ANXA11: variants seen among roughly 807,000 people sequenced by gnomAD.
ANXA11 encodes the protein annexin A11.
ANXA11 carries 57 observed loss-of-function variants against 64.7 expected under a neutral mutation model. The observed-to-expected ratio is 0.88, with a 90% confidence interval of 0.71 to 1.10. ANXA11 has a LOEUF of 1.10. Among genes scored for constraint, ANXA11 ranks in the 50% least tolerant of loss-of-function variants. ANXA11 has a pLI of 0.00. For missense variants in ANXA11, 675 were observed against 670.7 expected (o/e 1.01, Z -0.07); for synonymous variants, 260 against 265.2 (o/e 0.98, Z 0.19).
intron 4 of ANXA11, 112 bp downstream of exon 4, chr10:80,170,688 C>T: frequency 1.2e-6 from 1 of 806,566 alleles, no homozygotes; most frequent in Non-Finnish European, 1.8e-6. Context: ...ACACTACACA[C>T]CACAGCAACA....
At chr10:80,164,195 C>T (rs745601592) in intron 8 of ANXA11, 52 bp from the exon 9 acceptor site, 32 of 1,487,120 alleles carry the variant, frequency 2.2e-5, no homozygotes, top group Non-Finnish European at 2.6e-5. Context: ...GCAGCCTCAC[C>T]AGCACTCGGG....
At chr10:80,179,839 C>T (rs539775018) in intron 1 of ANXA11, among the ~76,000 whole-genome samples, 15 of 152,222 alleles carry the variant, frequency 9.9e-5, no homozygotes, top group Non-Finnish European at 1.8e-4. Context: ...CAGCCTGCTG[C>T]CACTGGACCG....
rs373448583 is a variant in ANXA11, at chr10:80,156,520, CTTT to C, written c.1459-611_1459-609del. The C allele has an allele frequency of 1.1e-3, 428 of 387,236 alleles. 1 individual carries two copies. The East Asian group carries it at 0.031, about 28-fold the overall frequency. The allele number at this position is 387,236 out of a possible 1,614,324, so 24.0% of individuals were successfully genotyped here. On this transcript the variant is annotated intron_variant, in intron 15 of 15. Transcript: ENST00000422982. ...TACTCTGTAATGAATTATTAACTCT[CTTT>C]TTTTTTTTGAGACGAAGTCTCACTC... is the stretch of plus-strand genomic sequence containing the variant.
chr10:80,166,735 G>A (rs1224366194), intron 7 of ANXA11, 155 bp downstream of exon 7: 1 of 646,212 alleles, frequency 1.5e-6, no homozygotes. Flanking sequence ...ACCTCCCAAC[G>A]ATGCCACCAG....
intron 1 of ANXA11, among the ~76,000 whole-genome samples, chr10:80,184,179 T>C (rs948273299): frequency 2.0e-5 from 3 of 152,148 alleles, no homozygotes; most frequent in Admixed American, 6.5e-5. Context: ...ATCCCAGACA[T>C]CATATATTAT....
intron 8 of ANXA11, 48 bp downstream of exon 8, chr10:80,166,036 A>ACG (rs746498821): frequency 2.1e-4 from 203 of 973,356 alleles, no homozygotes; most frequent in South Asian, 3.4e-4. Context: ...GTGCGCACAC[A>ACG]CGCGCGCACA....
chr10:80,168,510 C>A (rs1489492373), intron 5 of ANXA11, among the ~76,000 whole-genome samples: 1 of 152,090 alleles, frequency 6.6e-6, no homozygotes, highest in Non-Finnish European at 1.5e-5. Flanking sequence ...GAAGGTGACG[C>A]TCTTTGTTTG....
intron 1 of ANXA11, among the ~76,000 whole-genome samples, chr10:80,201,934 G>C (rs948690330): frequency 2.6e-5 from 4 of 152,160 alleles, no homozygotes; most frequent in Non-Finnish European, 5.9e-5. Flanking sequence ...GTGAGGGGCA[G>C]GGGACACCTG....
At chr10:80,178,344 G>C (rs2132444183) in intron 1 of ANXA11, among the ~76,000 whole-genome samples, 1 of 152,332 alleles carries the variant, frequency 6.6e-6, no homozygotes, top group South Asian at 2.1e-4. Context: ...GATGGCTGGG[G>C]CATGTCCCCC....
At chr10:80,188,705 A>ACGAGGAC (rs372034811) in intron 1 of ANXA11, among the ~76,000 whole-genome samples, 10,440 of 152,036 alleles carry the variant, frequency 0.069, 562 homozygotes, top group South Asian at 0.2. Flanking sequence ...TTGGATTACT[A>ACGAGGAC]TGAGGACTAA....
chr10:80,168,261 C>T (rs900535334), intron 5 of ANXA11, among the ~76,000 whole-genome samples: 3 of 113,702 alleles, frequency 2.6e-5, no homozygotes, highest in Admixed American at 9.9e-5. Flanking sequence ...CCGGGGGGGG[C>T]GGGGGTGGTG....
At chr10:80,173,015 G>C (rs1846039970) in intron 2 of ANXA11, 146 bp from the exon 3 acceptor site, 3 of 668,008 alleles carry the variant, frequency 4.5e-6, no homozygotes, top group Non-Finnish European at 7.8e-6. Context: ...TCGCAGACCA[G>C]TTCACTGTCT....
chr10:80,194,366 G>A (rs1052054624), intron 1 of ANXA11, among the ~76,000 whole-genome samples: 23 of 152,148 alleles, frequency 1.5e-4, no homozygotes, highest in Admixed American at 5.2e-4. Context: ...TGGGTTTATG[G>A]AGGCACCAGG....
chr10:80,159,484 C>T (rs955249380), intron 12 of ANXA11, among the ~76,000 whole-genome samples: 1 of 152,154 alleles, frequency 6.6e-6, no homozygotes, highest in African/African-American at 2.4e-5. Context: ...CGGGAGAAAC[C>T]GGCACCCCAC....
chr10:80,156,686 T>C (rs1206144373), intron 15 of ANXA11, among the ~76,000 whole-genome samples: 1 of 152,156 alleles, frequency 6.6e-6, no homozygotes, highest in African/African-American at 2.4e-5. Context: ...GTATTTTTAG[T>C]AGAGACAGGG....
chr10:80,167,094 C>T (rs1240589340), intron 6 of ANXA11, 110 bp from the exon 7 acceptor site: 1 of 1,252,920 alleles, frequency 8.0e-7, no homozygotes, highest in Middle Eastern at 2.4e-4. Context: ...TAGCCATACC[C>T]CCACATCCAC....
In ANXA11 at chr10:80,155,626, C is replaced by A; in HGVS notation, c.*227G>T. On this transcript the variant is annotated 3_prime_UTR_variant, in exon 16 of 16. Coordinates refer to ENST00000422982, the MANE Select transcript of ANXA11 (RefSeq NM_145868.2). ...AAAAATGAAACATCTATTTTAGCAG[C>A]AAGAGGCTGTGAGGGATGGGGTAGA... The A allele has an allele frequency of 1.9e-6, 1 of 513,962 alleles. No individual in the cohort carries two copies. The highest frequency in any genetic ancestry group is 3.4e-6 in the Non-Finnish European group (1 of 291,328). The allele number at this position is 513,962 out of a possible 1,614,324, so 31.8% of individuals were successfully genotyped here.
At chr10:80,172,782 T>G in intron 3 of ANXA11, 25 bp downstream of exon 3, 5 of 1,612,032 alleles carry the variant, frequency 3.1e-6, no homozygotes, top group Non-Finnish European at 3.4e-6. Flanking sequence ...GCATTCACTC[T>G]CCTCCCCACC....
chr10:80,161,866 C>T lies in ANXA11; in HGVS notation c.1180+69G>A, dbSNP rs149698938. On this transcript the variant is annotated intron_variant, in intron 12 of 15. Transcript: ENST00000422982. ...GAGGAACGACCAAGTGTTCCCATAG[C>T]TTTGTTTCCCCACAATCCCCTGACT... The T allele has an allele frequency of 1.8e-4, 241 of 1,370,500 alleles. 2 individuals are homozygous for T. In the African/African-American group the frequency reaches 2.9e-3, roughly 16 times the overall value. 84.9% of individuals were successfully genotyped at this position (1,370,500 alleles called of 1,614,324 possible).
Sources: allele counts gnomAD v4.1 joint callset (sites outside exome capture counted in the v4.1 genomes callset), GRCh38; gene constraint gnomAD v4.1.1; transcripts MANE v1.5; gene names NCBI Gene and HGNC (gene_info 2026-07-23, HGNC 2026-07-21).